The following EYS variants were observed in gnomAD, a reference collection of about 807,000 sequenced individuals.
EYS encodes the protein protein eyes shut homolog.
In EYS, 250 loss-of-function variants were observed where a neutral mutation model predicts 282.1. The observed-to-expected ratio is 0.89, with a 90% CI of 0.80 to 0.98. The LOEUF (loss-of-function observed/expected upper bound fraction) is 0.98. EYS is among the 50% of genes least tolerant of loss of function. The pLI, the probability that EYS is intolerant of heterozygous loss-of-function variation, is 0.00. For synonymous variants in EYS, 1,355 were observed against 1,282.9 expected (o/e 1.06, Z -1.20); for missense variants, 4,016 against 3,709.0 (o/e 1.08, Z -2.15).
chr6:65,322,168 T>A (rs1282021339), intron 11 of EYS, among the ~76,000 whole-genome samples: 1 of 152,182 alleles, frequency 6.6e-6, no homozygotes, highest in Admixed American at 6.5e-5. Flanking sequence ...GTCACCTTTT[T>A]CTTCATTTTA....
chr6:65,362,694 T>C (rs1308667959), intron 8 of EYS, among the ~76,000 whole-genome samples: 1 of 151,976 alleles, frequency 6.6e-6, no homozygotes, highest in Non-Finnish European at 1.5e-5. Context: ...GGAGACAGTT[T>C]CTTCCCCTTC....
chr6:63,832,944 A>C (rs1001822727), intron 36 of EYS, among the ~76,000 whole-genome samples: 2 of 152,208 alleles, frequency 1.3e-5, no homozygotes, highest in South Asian at 4.1e-4. Flanking sequence ...TCCATCATAT[A>C]AACAGAACCA....
intron 22 of EYS, among the ~76,000 whole-genome samples, chr6:64,697,582 T>C (rs1280756744): frequency 6.6e-6 from 1 of 152,152 alleles, no homozygotes; most frequent in African/African-American, 2.4e-5. Context: ...AAAAGCAGAA[T>C]ATGCATTGTC....
chr6:65,508,868 C>T (rs1180655646), intron 2 of EYS, among the ~76,000 whole-genome samples: 1 of 152,014 alleles, frequency 6.6e-6, no homozygotes, highest in African/African-American at 2.4e-5. Flanking sequence ...AACTCTTCCC[C>T]TCCCCACTCC....
intron 1 of EYS, among the ~76,000 whole-genome samples, chr6:65,694,714 G>A (rs376612697): frequency 1.4e-5 from 2 of 144,488 alleles, no homozygotes; most frequent in South Asian, 2.3e-4. Flanking sequence ...AACTAGCAAC[G>A]AGGTAAACCA....
intron 41 of EYS, among the ~76,000 whole-genome samples, chr6:63,753,585 C>T (rs955061585): frequency 1.3e-5 from 2 of 152,100 alleles, no homozygotes; most frequent in African/African-American, 2.4e-5. Flanking sequence ...ATTAATAAAA[C>T]CATCAGATCT....
chr6:63,772,250 T>A (rs1769949770), intron 40 of EYS, among the ~76,000 whole-genome samples: 1 of 152,084 alleles, frequency 6.6e-6, no homozygotes, highest in Non-Finnish European at 1.5e-5. Context: ...AGCCTCTGCC[T>A]CCTGGGTTCA....
At chr6:63,897,392 C>T (rs1464920613) in intron 35 of EYS, among the ~76,000 whole-genome samples, 1 of 152,136 alleles carries the variant, frequency 6.6e-6, no homozygotes, top group South Asian at 2.1e-4. Flanking sequence ...CCTCTGAATG[C>T]TATTACAAGG....
intron 12 of EYS, among the ~76,000 whole-genome samples, chr6:65,183,945 A>G (rs1329333616): frequency 6.6e-6 from 1 of 151,762 alleles, no homozygotes; most frequent in African/African-American, 2.4e-5. Flanking sequence ...CTGCACTTCA[A>G]GAAATACTTT....
chr6:65,182,430 T>C (rs1419614077), intron 12 of EYS, among the ~76,000 whole-genome samples: 1 of 151,620 alleles, frequency 6.6e-6, no homozygotes, highest in Non-Finnish European at 1.5e-5. Flanking sequence ...ATATAGTATA[T>C]TTTTCTTAAT....
chr6:65,142,479 AACACACACACACACACAC>A (rs71268364), intron 12 of EYS, among the ~76,000 whole-genome samples: 7 of 134,930 alleles, frequency 5.2e-5, no homozygotes, highest in Admixed American at 7.6e-5. Context: ...AGAAATACAA[AACACACACACACACACAC>A]ACACACACAC....
At chr6:64,800,491 A>G (rs1436208129) in intron 22 of EYS, among the ~76,000 whole-genome samples, 1 of 151,972 alleles carries the variant, frequency 6.6e-6, no homozygotes, top group Non-Finnish European at 1.5e-5. Context: ...TTTTTTTCAC[A>G]TATTCAAATA....
chr6:64,797,051 G>A (rs1035880032), intron 22 of EYS, among the ~76,000 whole-genome samples: 5 of 152,026 alleles, frequency 3.3e-5, no homozygotes, highest in Non-Finnish European at 1.5e-5. Context: ...TTCAAACAAG[G>A]AGAAAAATCT....
At chr6:63,831,464 CAAAG>C (rs929234513) in intron 36 of EYS, among the ~76,000 whole-genome samples, 2 of 152,056 alleles carry the variant, frequency 1.3e-5, no homozygotes, top group Admixed American at 6.5e-5. Context: ...TCAAAAGAGA[CAAAG>C]AAGGCCATTA....
In EYS at chr6:64,813,441, T is replaced by G. The variant is rs779510375; in HGVS notation, c.3380A>C (p.Asn1127Thr). 3.9e-6 allele frequency: 6 copies of G among 1,550,372 alleles called. No homozygotes were observed. In the African/African-American group the frequency reaches 4.1e-5, roughly 11 times the overall value. Residue 1127 changes from asparagine to threonine, a missense_variant, in exon 22 of 43, where the codon AAT becomes ACT. Asn to Thr is a moderately conservative substitution (Grantham distance 65). Transcript: ENST00000503581. ...CCCTCCATTAAGACAGATGACTGAA[T>G]TAAGTTCAGGCTCAGCACAATTATC... ...SIDNCAEPEL[N>T]SVICLNGGIC...
chr6:64,691,009 A>G (rs546742111), intron 22 of EYS, among the ~76,000 whole-genome samples: 4 of 152,000 alleles, frequency 2.6e-5, no homozygotes, highest in African/African-American at 7.2e-5. Flanking sequence ...ATAAAAAGTA[A>G]AAGTCATGCA....
At chr6:64,528,761 T>C (rs1161669319) in intron 26 of EYS, among the ~76,000 whole-genome samples, 1 of 151,988 alleles carries the variant, frequency 6.6e-6, no homozygotes, top group Non-Finnish European at 1.5e-5. Context: ...AGCCACTTTT[T>C]ATTTTGTCTT....
At chr6:65,499,919 G>C (rs1266147739) in intron 2 of EYS, among the ~76,000 whole-genome samples, 1 of 151,824 alleles carries the variant, frequency 6.6e-6, no homozygotes, top group East Asian at 1.9e-4. Context: ...TCTTGATTAT[G>C]ACAATGATCC....
chr6:65,562,726 A>G (rs1003358001), intron 2 of EYS, among the ~76,000 whole-genome samples: 1 of 152,104 alleles, frequency 6.6e-6, no homozygotes, highest in Non-Finnish European at 1.5e-5. Flanking sequence ...GAAATGAAAT[A>G]AATACTGTGT....
Sources: gnomAD v4.1 joint callset for allele counts (sites outside exome capture counted in the v4.1 genomes callset) on GRCh38, gnomAD v4.1.1 for gene constraint, MANE v1.5 for transcripts, NCBI Gene and HGNC (gene_info 2026-07-23, HGNC 2026-07-21) for gene names.